Variants in TEF observed in about 807,000 individuals in gnomAD.
The protein encoded by TEF is thyrotroph embryonic factor.
A neutral mutation model predicts 20.8 loss-of-function variants in TEF; 3 were observed. That is an observed-to-expected ratio of 0.14 (90% CI 0.07 to 0.37). The LOEUF (loss-of-function observed/expected upper bound fraction) is 0.37, where lower values mean the gene tolerates loss of function less well. TEF is among the 10% of genes least tolerant of loss of function. The pLI, the probability that TEF is intolerant of heterozygous loss-of-function variation, is 1.00. For missense variants in TEF, 296 were observed against 397.9 expected (o/e 0.74, Z 2.18); for synonymous variants, 180 against 171.1 (o/e 1.05, Z -0.41).
At chr22:41,391,309 A>G (rs893153211) in intron 2 of TEF, among the ~76,000 whole-genome samples, 13 of 150,728 alleles carry the variant, frequency 8.6e-5, no homozygotes. Flanking sequence ...TGACTGACCT[A>G]TGCATTGCAG....
At chr22:41,376,492 TG>T (rs1051848132) in intron 1 of TEF, among the ~76,000 whole-genome samples, 1 of 152,198 alleles carries the variant, frequency 6.6e-6, no homozygotes, top group Non-Finnish European at 1.5e-5. Context: ...CCTCCCAAAG[TG>T]GTGGGATTAC....
intron 2 of TEF, among the ~76,000 whole-genome samples, chr22:41,390,386 C>T (rs1328598822): frequency 6.6e-6 from 1 of 151,428 alleles, no homozygotes; most frequent in Non-Finnish European, 1.5e-5. Context: ...ATTTTGACAT[C>T]TTTTGTAATG....
intron 1 of TEF, chr22:41,370,142 GT>G: frequency 3.1e-6 from 3 of 971,436 alleles, no homozygotes; most frequent in Non-Finnish European, 3.7e-6. Context: ...TGAGATAAGA[GT>G]CTTGCTCTAT....
intron 1 of TEF, among the ~76,000 whole-genome samples, chr22:41,386,760 T>C (rs762431288): frequency 9.2e-4 from 133 of 144,190 alleles, no homozygotes; most frequent in Non-Finnish European, 1.7e-3. Context: ...ATAAATAAAA[T>C]AAAATAAAAC....
chr22:41,380,566 C>T (rs555944831), upstream of TEF, among the ~76,000 whole-genome samples: 4 of 152,206 alleles, frequency 2.6e-5, no homozygotes, highest in Non-Finnish European at 5.9e-5. Flanking sequence ...CCCCCAACCC[C>T]TCCTGCTAGA....
rs867914332 is a variant in TEF at position 41,382,098 on chromosome 22, C to T, written c.54C>T (p.Pro18=). The T allele has an allele frequency of 8.1e-6, 10 of 1,232,470 alleles. No individual in the cohort carries two copies. The Middle Eastern group carries it at 1.8e-3, about 224-fold the overall frequency. 76.3% of individuals were successfully genotyped at this position (1,232,470 alleles called of 1,614,324 possible). Residue 18 remains proline, a synonymous_variant, in exon 1 of 4, where the codon CCC becomes CCT. Transcript: ENST00000266304. Reference sequence around the variant, plus strand: ...CGCCTGTGGACCCGCAGGCAGGACCCGGTCCGGGGCCGGGGCGCGCAGCTG... The same window carrying T: ...CGCCTGTGGACCCGCAGGCAGGACCTGGTCCGGGGCCGGGGCGCGCAGCTG... ...KKPPVDPQAG[P]GPGPGRAAGE...
chr22:41,391,620 T>G (rs1440389465), intron 2 of TEF, among the ~76,000 whole-genome samples: 1 of 146,282 alleles, frequency 6.8e-6, no homozygotes, highest in Non-Finnish European at 1.5e-5. Context: ...CAGGCCGGCA[T>G]CTGACTTTTT....
chr22:41,373,057 A>T (rs146688143), intron 1 of TEF, among the ~76,000 whole-genome samples: 126 of 152,282 alleles, frequency 8.3e-4, no homozygotes, highest in African/African-American at 2.7e-3. Flanking sequence ...TGACGCTCTC[A>T]TCTCCCTGTC....
intron 2 of TEF, among the ~76,000 whole-genome samples, chr22:41,393,743 A>G (rs897213094): frequency 1.3e-4 from 20 of 149,970 alleles, no homozygotes; most frequent in Non-Finnish European, 2.8e-4. Context: ...ACTGCACTCC[A>G]GCCTGGGCGA....
intron 1 of TEF, among the ~76,000 whole-genome samples, chr22:41,372,425 T>C (rs1212076241): frequency 6.6e-6 from 1 of 152,182 alleles, no homozygotes; most frequent in Non-Finnish European, 1.5e-5. Flanking sequence ...CAGGACTGTA[T>C]TGTGTGTGCC....
chr22:41,391,368 C>T (rs902392273), intron 2 of TEF, among the ~76,000 whole-genome samples: 3 of 151,746 alleles, frequency 2.0e-5, no homozygotes, highest in South Asian at 2.1e-4. Context: ...TTCTGTCACC[C>T]AGGCTGGAGT....
rs551113622 is a variant in TEF at position 41,373,832 on chromosome 22, C to T, written c.67+6233C>T. Among the ~76,000 whole-genome samples, 9 of 149,224 alleles carry T rather than the reference C, an allele frequency of 6.0e-5. No individual in the cohort carries two copies. In the South Asian group the frequency reaches 1.3e-3, roughly 21 times the overall value. On this transcript the variant is annotated intron_variant, in intron 1 of 3. Transcript: ENST00000406644. The stretch of plus-strand genomic sequence containing the variant: ...AGGCTGGAGTGCAATGGTGTGGCCT[C>T]GGCTCACTGCAACCTCTGCCTCCAG...
chr22:41,388,513 A>G (rs962409273), intron 2 of TEF, among the ~76,000 whole-genome samples: 1 of 151,846 alleles, frequency 6.6e-6, no homozygotes, highest in South Asian at 2.1e-4. Context: ...GTGCCAGGGC[A>G]TAAGCACTAT....
chr22:41,368,644 G>A (rs1212819881), intron 1 of TEF, among the ~76,000 whole-genome samples: 1 of 152,226 alleles, frequency 6.6e-6, no homozygotes, highest in Non-Finnish European at 1.5e-5. Flanking sequence ...TAGCCCCAGG[G>A]AGACATTGCC....
intron 1 of TEF, among the ~76,000 whole-genome samples, chr22:41,370,889 C>T (rs1324231419): frequency 2.0e-5 from 3 of 152,238 alleles, no homozygotes; most frequent in Admixed American, 6.5e-5. Flanking sequence ...TGGCTTCCAA[C>T]GACAATGGCT....
At chr22:41,367,656 G>C (rs2036837401) in intron 1 of TEF, 3 of 1,522,526 alleles carry the variant, frequency 2.0e-6, no homozygotes, top group Non-Finnish European at 2.7e-6. Flanking sequence ...GGGGGCGAGG[G>C]GGCAGCCACA....
At chr22:41,378,490 T>C (rs1056533464), upstream of TEF, among the ~76,000 whole-genome samples, 7 of 151,616 alleles carry the variant, frequency 4.6e-5, no homozygotes, top group South Asian at 2.1e-4. Context: ...GGACTACAGG[T>C]GCCCGCCACC....
intron 1 of TEF, among the ~76,000 whole-genome samples, chr22:41,370,644 T>G (rs993635190): frequency 4.0e-5 from 6 of 150,982 alleles, no homozygotes; most frequent in African/African-American, 1.5e-4. Flanking sequence ...ACTCCTGACC[T>G]CCAGTGATCC....
chr22:41,389,987 C>A (rs1054292304), intron 2 of TEF, among the ~76,000 whole-genome samples: 1 of 151,828 alleles, frequency 6.6e-6, no homozygotes, highest in Non-Finnish European at 1.5e-5. Context: ...GCAACCTCCG[C>A]CTCCTGGGTT....
Sources: allele counts gnomAD v4.1 joint callset (sites outside exome capture counted in the v4.1 genomes callset), GRCh38; gene constraint gnomAD v4.1.1; transcripts MANE v1.5; gene names NCBI Gene and HGNC (gene_info 2026-07-23, HGNC 2026-07-21).